Variants in SPTB observed in about 807,000 individuals in gnomAD.
SPTB encodes spectrin beta, erythrocytic.
Under a neutral mutation model 256.2 loss-of-function variants are expected in SPTB, and 45 were observed. The observed-to-expected ratio is 0.18, with a 90% CI of 0.14 to 0.23. The LOEUF is 0.23. Among genes scored for constraint, SPTB ranks in the 10% least tolerant of loss-of-function variants. The probability of loss-of-function intolerance (pLI) is 1.00; values close to 1 mark genes in which losing one functional copy is unlikely to be tolerated. For synonymous variants in SPTB, 1,231 were observed against 1,243.1 expected (o/e 0.99, Z 0.21); for missense variants, 2,715 against 3,040.4 (o/e 0.89, Z 2.52).
At chr14:64,812,257 A>T (rs561696402) in intron 2 of SPTB, among the ~76,000 whole-genome samples, 1 of 152,298 alleles carries the variant, frequency 6.6e-6, no homozygotes, top group Admixed American at 6.5e-5. Flanking sequence ...CCTAAAGAAA[A>T]TATTAACATG....
intron 1 of SPTB, among the ~76,000 whole-genome samples, chr14:64,865,138 C>T (rs1324769767): frequency 1.3e-5 from 2 of 152,054 alleles, no homozygotes; most frequent in Non-Finnish European, 2.9e-5. Flanking sequence ...TTTTGACCCC[C>T]TTCACATTTC....
At chr14:64,859,143 A>G (rs2083918928) in intron 1 of SPTB, among the ~76,000 whole-genome samples, 2 of 151,768 alleles carry the variant, frequency 1.3e-5, no homozygotes, top group African/African-American at 4.8e-5. Flanking sequence ...AGTCCCAGCT[A>G]CTCCAGAGGC....
At position 64,749,281 on chromosome 14, in the gene SPTB, C is replaced by G. The variant is rs2081903246; in HGVS notation, c.*25G>C. ...TGCCCGGTCTCTGCGCGTCCCGACT[C>G]CGCCGCGCCCGCCAGCCCCACCTGC... On this transcript the variant is annotated 3_prime_UTR_variant, in exon 36 of 36. Transcript: ENST00000644917. The surrounding 1 kb of genome is among the most constrained non-coding windows in gnomAD (Gnocchi z 4.7). 6.4e-7 allele frequency: 1 copy of G among 1,556,982 alleles called. No homozygotes were observed. Among genetic ancestry groups the G allele is most frequent in the Non-Finnish European group, 8.6e-7 (1 of 1,156,274 alleles).
In SPTB at chr14:64,794,489, G is replaced by T. The variant is rs565667858; in HGVS notation, c.1773C>A (p.Thr591=). The T allele has an allele frequency of 4.3e-6, 7 of 1,614,044 alleles. No individual in the cohort carries two copies. In the African/African-American group the frequency reaches 6.7e-5, roughly 15 times the overall value. ...CACCTTTCCCCTCGGTGAACTTCAG[G>T]GTGGCTGCGGTGATGGCCTTCACTT... ...GDKVKAITAA[T]LKFTEGKGYQ... Residue 591 remains threonine, a synonymous_variant, in exon 13 of 36, where the codon ACC becomes ACA. Coordinates refer to ENST00000644917, the MANE Select transcript of SPTB (RefSeq NM_001355436.2).
rs138272931 is a variant in SPTB at position 64,813,910 on chromosome 14, C to G, written c.149-8820G>C. Reference sequence around the variant, plus strand: ...ATCCATAATAAAGCCTAGCATGGGGCAGACTCTCAGGGACACATCATAAAT... The same window carrying G: ...ATCCATAATAAAGCCTAGCATGGGGGAGACTCTCAGGGACACATCATAAAT... On this transcript the variant is annotated intron_variant, in intron 2 of 35. Coordinates refer to ENST00000644917, the MANE Select transcript of SPTB (RefSeq NM_001355436.2). Among the ~76,000 whole-genome samples, 182 of 152,356 alleles carry G rather than the reference C, an allele frequency of 1.2e-3. 1 individual carries two copies. Among genetic ancestry groups the G allele is most frequent in the African/African-American group, 4.3e-3 (177 of 41,574 alleles).
At chr14:64,833,321 C>T (rs941749388) in intron 1 of SPTB, among the ~76,000 whole-genome samples, 17 of 152,144 alleles carry the variant, frequency 1.1e-4, no homozygotes, top group African/African-American at 1.9e-4. Flanking sequence ...GAGTCCGAAG[C>T]GGGTGGATCA....
intron 2 of SPTB, among the ~76,000 whole-genome samples, chr14:64,812,289 C>T (rs962463145): frequency 2.0e-5 from 3 of 152,136 alleles, no homozygotes; most frequent in African/African-American, 7.2e-5. Flanking sequence ...TTCCTTTTTC[C>T]AAGATAGCCT....
intron 19 of SPTB, among the ~76,000 whole-genome samples, chr14:64,783,167 T>C (rs181845824): frequency 6.6e-6 from 1 of 152,184 alleles, no homozygotes; most frequent in Admixed American, 6.5e-5. Flanking sequence ...CACAGTGTGA[T>C]ATAAATTGGA....
chr14:64,764,875 C>A lies in SPTB; in HGVS notation c.6345+1851G>T, dbSNP rs1337640227. On this transcript the variant is annotated intron_variant, in intron 32 of 35. Coordinates refer to ENST00000644917, the MANE Select transcript of SPTB (RefSeq NM_001355436.2). The surrounding 1 kb of genome is among the most constrained non-coding windows in gnomAD (Gnocchi z 4.2). ...CAGTCCACCACAGACAGGGAGGCGA[C>A]CCCACATGCGATGACGGGAGCTTCG... 6.6e-6 allele frequency among the ~76,000 whole-genome samples: 1 copy of A among 152,114 alleles called. No homozygotes were observed. The highest frequency in any genetic ancestry group is 1.5e-5 in the Non-Finnish European group (1 of 68,024).
chr14:64,856,793 G>A (rs1275429145), intron 1 of SPTB, among the ~76,000 whole-genome samples: 1 of 152,242 alleles, frequency 6.6e-6, no homozygotes, highest in African/African-American at 2.4e-5. Flanking sequence ...TCAGAGGAGG[G>A]CAACTAAGCC....
chr14:64,801,388 G>A lies in SPTB; in HGVS notation c.660C>T (p.Ile220=). Residue 220 remains isoleucine, a synonymous_variant, in exon 7 of 36, where the codon ATC becomes ATT. Transcript: ENST00000644917. ...ALIHKHRPDL[I]DFDKLKDSNA... The stretch of plus-strand genomic sequence containing the variant: ...TGGAGTCCTTCAGCTTATCAAAGTC[G>A]ATCAGGTCGGGCCTGGGGACAAAAC... The A allele has an allele frequency of 1.9e-6, 3 of 1,614,052 alleles. No individual in the cohort carries two copies. Among genetic ancestry groups the A allele is most frequent in the South Asian group, 1.1e-5 (1 of 91,080 alleles).
At position 64,782,702 on chromosome 14, in the gene SPTB, C is replaced by T; in HGVS notation, c.4003-149G>A. The T allele has an allele frequency of 3.3e-6, 4 of 1,230,444 alleles. No homozygotes were observed. In the South Asian group the frequency reaches 5.5e-5, roughly 17 times the overall value. 76.2% of individuals were successfully genotyped at this position (1,230,444 alleles called of 1,614,324 possible). ...ATGGGTAAGACTCAACTGAAATGAA[C>T]TCTGAATCCCCAGCATTAGCAGGGG... On this transcript the variant is annotated intron_variant, in intron 19 of 35. Transcript: ENST00000644917.
chr14:64,822,909 T>C (rs1014127054), intron 2 of SPTB, 38 bp downstream of exon 2: 5 of 1,612,094 alleles, frequency 3.1e-6, no homozygotes, highest in Non-Finnish European at 2.5e-6. Context: ...CTTGTGACTG[T>C]GAGAATGCCC....
At chr14:64,754,599 CT>C (rs1477848412) in intron 32 of SPTB, 2 of 153,282 alleles carry the variant, frequency 1.3e-5, no homozygotes, top group Admixed American at 6.5e-5. Context: ...GAGAATCCCC[CT>C]CGTAAGGAGG....
At chr14:64,862,517 T>C (rs1881911677) in intron 1 of SPTB, among the ~76,000 whole-genome samples, 1 of 152,072 alleles carries the variant, frequency 6.6e-6, no homozygotes, top group Admixed American at 6.5e-5. Flanking sequence ...TGGAAATATT[T>C]GAAAGGATTT....
Position 64,779,357 on chromosome 14 carries a change from C to T in SPTB, c.4474-111G>A. The T allele has an allele frequency of 1.1e-6, 1 of 877,174 alleles. No homozygotes were observed. The highest frequency in any genetic ancestry group is 1.9e-6 in the Non-Finnish European group (1 of 536,092). 54.3% of individuals were successfully genotyped at this position (877,174 alleles called of 1,614,324 possible). ...GCTGGCAGTGTCTCCCCAGTTCCTC[C>T]CAACACCCCATCAGGGTTTTGCCCC... On this transcript the variant is annotated intron_variant, in intron 21 of 35. Transcript: ENST00000644917. The surrounding 1 kb of genome is among the most constrained non-coding windows in gnomAD (Gnocchi z 4.2).
chr14:64,790,451 C>G lies in SPTB; in HGVS notation c.2804+1268G>C, dbSNP rs1594779196. Among the ~76,000 whole-genome samples the G allele has an allele frequency of 6.6e-6, 1 of 152,176 alleles. No homozygotes were observed. Among genetic ancestry groups the G allele is most frequent in the South Asian group, 2.1e-4 (1 of 4,822 alleles). ...CCACCAACACACACAAACTCATTAC[C>G]TACAAGGCGAAAGAAGAGGGAAGAG... On this transcript the variant is annotated intron_variant, in intron 15 of 35. Coordinates refer to ENST00000644917, the MANE Select transcript of SPTB (RefSeq NM_001355436.2). The surrounding 1 kb of genome is among the most constrained non-coding windows in gnomAD (Gnocchi z 4.8).
intron 1 of SPTB, among the ~76,000 whole-genome samples, chr14:64,830,720 C>G (rs539376756): frequency 1.3e-5 from 2 of 152,296 alleles, no homozygotes; most frequent in East Asian, 3.9e-4. Flanking sequence ...TGCACGGCCC[C>G]TCATGCTGAC....
rs1273600320 is a variant in SPTB at position 64,792,850 on chromosome 14, C to T, written c.2666+147G>A. 4 of 1,108,020 alleles carry T rather than the reference C, an allele frequency of 3.6e-6. No homozygotes were observed. Among genetic ancestry groups the T allele is most frequent in the Non-Finnish European group, 5.2e-6 (4 of 764,270 alleles). The allele number at this position is 1,108,020 out of a possible 1,614,324, so 68.6% of individuals were successfully genotyped here. A position where few individuals can be genotyped will look rare whatever the true frequency, so the allele number is the denominator to read the frequency against. Reference sequence around the variant, plus strand: ...CACAGAGCCAGAATAGAACTTATGACTCCTAATGCCAGGACTTTGCAACAA... The same window carrying T: ...CACAGAGCCAGAATAGAACTTATGATTCCTAATGCCAGGACTTTGCAACAA... On this transcript the variant is annotated intron_variant, in intron 14 of 35. Coordinates refer to ENST00000644917, the MANE Select transcript of SPTB (RefSeq NM_001355436.2). This position sits in a 1 kb window ranked among gnomAD's most constrained non-coding sequence, Gnocchi z 4.2.
Sources: gnomAD v4.1 joint callset for allele counts (sites outside exome capture counted in the v4.1 genomes callset) on GRCh38, gnomAD v4.1.1 for gene constraint, Gnocchi (gnomAD v3.1) non-coding constraint, MANE v1.5 for transcripts, NCBI Gene and HGNC (gene_info 2026-07-23, HGNC 2026-07-21) for gene names.